The following FAM227B variants were observed in gnomAD, a reference collection of about 807,000 sequenced individuals.
The protein encoded by FAM227B is family with sequence similarity 227 member B, also known as protein FAM227B.
Under a neutral mutation model 73.8 loss-of-function variants are expected in FAM227B, and 88 were observed. That is an observed-to-expected ratio of 1.19 (90% CI 1.00 to 1.42). The LOEUF is 1.42. FAM227B is among the 40% of genes most tolerant of loss of function. The pLI is 0.00. For missense variants in FAM227B, 632 were observed against 590.9 expected, an observed-to-expected ratio of 1.07 and a Z score of -0.72; for synonymous variants, 210 against 190.5, an observed-to-expected ratio of 1.10 and a Z score of -0.84.
At chr15:49,610,475 T>C (rs533758385) in intron 3 of FAM227B, among the ~76,000 whole-genome samples, 33 of 146,664 alleles carry the variant, frequency 2.3e-4, no homozygotes, top group African/African-American at 8.2e-4. Flanking sequence ...AGAAGATAGA[T>C]ATTTAAAAGT....
chr15:49,612,944 C>A (rs1187188535), intron 2 of FAM227B, among the ~76,000 whole-genome samples: 1 of 151,796 alleles, frequency 6.6e-6, no homozygotes, highest in African/African-American at 2.4e-5. Flanking sequence ...TAGTGAGAGT[C>A]AAAAAATTAA....
chr15:49,455,860 TTTCTTTTTG>T lies in FAM227B; in HGVS notation c.1012+52342_1012+52350del, dbSNP rs554068386. Among the ~76,000 whole-genome samples, 34 of 152,272 alleles carry T rather than the reference TTTCTTTTTG, an allele frequency of 2.2e-4. 1 individual carries two copies. Among genetic ancestry groups the T allele is most frequent in the African/African-American group, 7.9e-4 (33 of 41,570 alleles). ...ATTGAACCATGGCTTTTTTCTTTTTTTTCTTTTTGTACCCAGAAATATGCTCCTCTTAAT... is the reference window on the plus strand; with the variant it reads ...ATTGAACCATGGCTTTTTTCTTTTTTTACCCAGAAATATGCTCCTCTTAAT... On this transcript the variant is annotated intron_variant, in intron 11 of 15. Coordinates refer to ENST00000299338, the MANE Select transcript of FAM227B (RefSeq NM_152647.3).
At chr15:49,502,413 G>C (rs1270387947) in intron 11 of FAM227B, among the ~76,000 whole-genome samples, 1 of 152,224 alleles carries the variant, frequency 6.6e-6, no homozygotes, top group Non-Finnish European at 1.5e-5. Flanking sequence ...CCTAGATGTG[G>C]GACATAAAGT....
At chr15:49,432,044 A>C (rs2050669895) in intron 11 of FAM227B, among the ~76,000 whole-genome samples, 1 of 151,734 alleles carries the variant, frequency 6.6e-6, no homozygotes, top group Non-Finnish European at 1.5e-5. Flanking sequence ...ATCTTTGCTT[A>C]TTTATCAGAA....
intron 11 of FAM227B, chr15:49,484,344 T>G: frequency 6.3e-7 from 1 of 1,591,080 alleles, no homozygotes; most frequent in Non-Finnish European, 8.5e-7. Context: ...TTCAAAGAAC[T>G]AATTCTGGAA....
chr15:49,458,559 A>T (rs578122656), intron 11 of FAM227B, among the ~76,000 whole-genome samples: 1 of 152,250 alleles, frequency 6.6e-6, no homozygotes, highest in Non-Finnish European at 1.5e-5. Context: ...TAAGAACAGG[A>T]TGACTAAAAA....
At chr15:49,365,333 G>C in intron 13 of FAM227B, 1 of 1,568,312 alleles carries the variant, frequency 6.4e-7, no homozygotes, top group Non-Finnish European at 8.8e-7. Context: ...AACAACAAAT[G>C]TAAGTATCAT....
intron 5 of FAM227B, among the ~76,000 whole-genome samples, chr15:49,582,858 C>G (rs1372993061): frequency 6.6e-6 from 1 of 151,906 alleles, no homozygotes; most frequent in Non-Finnish European, 1.5e-5. Context: ...AATTGAATAA[C>G]CTGCTACTGA....
chr15:49,367,385 T>G, intron 13 of FAM227B, 63 bp downstream of exon 13: 1 of 1,348,152 alleles, frequency 7.4e-7, no homozygotes, highest in Non-Finnish European at 9.9e-7. Flanking sequence ...AGACATTCAG[T>G]GAAATGTTTT....
At chr15:49,384,948 G>GT (rs1451956806) in intron 11 of FAM227B, among the ~76,000 whole-genome samples, 1 of 151,824 alleles carries the variant, frequency 6.6e-6, no homozygotes, top group Non-Finnish European at 1.5e-5. Flanking sequence ...CATGGCTCCA[G>GT]TTTTTTTCCA....
At chr15:49,357,427 C>G (rs2043355040) in intron 13 of FAM227B, among the ~76,000 whole-genome samples, 1 of 151,270 alleles carries the variant, frequency 6.6e-6, no homozygotes, top group Non-Finnish European at 1.5e-5. Context: ...CACAGAAATA[C>G]AAACTACCAT....
intron 13 of FAM227B, among the ~76,000 whole-genome samples, chr15:49,352,322 T>C (rs965196130): frequency 6.6e-6 from 1 of 152,216 alleles, no homozygotes; most frequent in African/African-American, 2.4e-5. Flanking sequence ...TGAACATTGA[T>C]GCTATCTCTT....
intron 11 of FAM227B, among the ~76,000 whole-genome samples, chr15:49,503,892 G>A (rs2152100812): frequency 6.6e-6 from 1 of 152,230 alleles, no homozygotes; most frequent in South Asian, 2.1e-4. Flanking sequence ...CCTAGAACTG[G>A]AAATACCATT....
intron 11 of FAM227B, chr15:49,485,087 T>C (rs1235263468): frequency 3.3e-5 from 5 of 152,034 alleles, no homozygotes; most frequent in African/African-American, 9.7e-5. Flanking sequence ...AAATAGATAA[T>C]TTAACAAAAG....
intron 7 of FAM227B, among the ~76,000 whole-genome samples, chr15:49,575,758 A>G (rs781754611): frequency 6.6e-6 from 1 of 152,142 alleles, no homozygotes; most frequent in Admixed American, 6.6e-5. Flanking sequence ...TCAACAATCA[A>G]TCATGGACTT....
chr15:49,501,519 AACCCTGGCTGCTTG>A (rs2058134634), intron 11 of FAM227B, among the ~76,000 whole-genome samples: 1 of 152,230 alleles, frequency 6.6e-6, no homozygotes, highest in Non-Finnish European at 1.5e-5. Flanking sequence ...TTCAAGATGT[AACCCTGGCTGCTTG>A]CAACAGACGA....
intron 10 of FAM227B, among the ~76,000 whole-genome samples, chr15:49,538,710 C>A (rs1469344457): frequency 6.6e-6 from 1 of 151,930 alleles, no homozygotes. Flanking sequence ...TTCACAGATT[C>A]TTTCTTCTGC....
chr15:49,499,165 C>CAAAAAAAAAAAAA (rs11355557), intron 11 of FAM227B, among the ~76,000 whole-genome samples: 1 of 53,008 alleles, frequency 1.9e-5, no homozygotes, highest in African/African-American at 7.9e-5. Flanking sequence ...GACTCCGTCT[C>CAAAAAAAAAAAAA]AAAAAAAAAA....
At position 49,328,311 on chromosome 15, in the gene FAM227B, C is replaced by T. The variant is rs2037883410; in HGVS notation, c.*257G>A. On this transcript the variant is annotated 3_prime_UTR_variant, in exon 16 of 16. Transcript: ENST00000299338. ...ATATTTTCAAAGAAATGGTTGAAAG[C>T]TCTCTATGCTTCATAATGATTCTTT... The T allele has an allele frequency of 7.0e-7, 1 of 1,433,356 alleles. No individual in the cohort carries two copies. The highest frequency in any genetic ancestry group is 1.6e-5 in the South Asian group (1 of 64,338). The allele number at this position is 1,433,356 out of a possible 1,614,324, so 88.8% of individuals were successfully genotyped here. A position where few individuals can be genotyped will look rare whatever the true frequency, so the allele number is the denominator to read the frequency against.
Sources: allele counts gnomAD v4.1 joint callset (sites outside exome capture counted in the v4.1 genomes callset), GRCh38; gene constraint gnomAD v4.1.1; transcripts MANE v1.5; gene names NCBI Gene and HGNC (gene_info 2026-07-23, HGNC 2026-07-21).